CR1: variants seen among roughly 807,000 people sequenced by gnomAD.
CR1 encodes complement receptor type 1.
In CR1, 116 loss-of-function variants were observed where a neutral mutation model predicts 187.3. That is an observed-to-expected ratio of 0.62 (90% CI 0.53 to 0.72). CR1 has a LOEUF of 0.72. Ranked by LOEUF, CR1 falls within the 30% of genes least tolerant of loss-of-function variation. The pLI, the probability that CR1 is intolerant of heterozygous loss-of-function variation, is 0.00. For synonymous variants in CR1, 576 were observed against 747.1 expected, an observed-to-expected ratio of 0.77 and a Z score of 3.73; for missense variants, 1,731 against 2,110.7, an observed-to-expected ratio of 0.82 and a Z score of 3.52.
chr1:207,521,062 C>T (rs1309556970), intron 4 of CR1, among the ~76,000 whole-genome samples: 6 of 149,528 alleles, frequency 4.0e-5, no homozygotes, highest in Non-Finnish European at 7.4e-5. Flanking sequence ...CTGCAACCTC[C>T]GCCTCCGGGG....
At chr1:207,504,895 T>G (rs1490709688) in intron 1 of CR1, among the ~76,000 whole-genome samples, 1 of 152,154 alleles carries the variant, frequency 6.6e-6, no homozygotes, top group African/African-American at 2.4e-5. Flanking sequence ...CAGCCAAGCA[T>G]TACTGCCTGA....
chr1:207,580,815 A>G (rs1660913968), intron 31 of CR1, among the ~76,000 whole-genome samples: 1 of 152,208 alleles, frequency 6.6e-6, no homozygotes, highest in Non-Finnish European at 1.5e-5. Context: ...AATGGCGCAT[A>G]TAACTGAGTG....
chr1:207,518,352 C>A (rs1659867244), intron 4 of CR1, among the ~76,000 whole-genome samples: 1 of 152,138 alleles, frequency 6.6e-6, no homozygotes, highest in South Asian at 2.1e-4. Context: ...CTTGAATGTA[C>A]AGTTATTTTG....
chr1:207,580,519 T>C lies in CR1; in HGVS notation c.5122T>C (p.Cys1708Arg). The change falls in exon 31 of 47, where the codon TGT becomes CGT. Residue 1708 changes from cysteine to arginine, a missense_variant. Physicochemically the swap from Cys to Arg is radical, Grantham distance 180. Coordinates refer to ENST00000367049, the MANE Select transcript of CR1 (RefSeq NM_000651.6). ...TTTTTTTCTTCTTCTAGTGAAATCC[T>C]GTGATGACTTCTTGGGTCAACTCCC... is the stretch of plus-strand genomic sequence containing the variant. ...PEAPRCAVKS[C>R]DDFLGQLPHG... 6.2e-7 allele frequency: 1 copy of C among 1,608,482 alleles called. No individual in the cohort carries two copies. Among genetic ancestry groups the C allele is most frequent in the Non-Finnish European group, 8.5e-7 (1 of 1,178,330 alleles).
intron 31 of CR1, among the ~76,000 whole-genome samples, chr1:207,581,221 C>A (rs1273157001): frequency 6.9e-6 from 1 of 144,822 alleles, no homozygotes; most frequent in Non-Finnish European, 1.5e-5. Flanking sequence ...TACATATGGA[C>A]ACGTATATGT....
In CR1 at chr1:207,516,934, T is replaced by C. The variant is rs375784103; in HGVS notation, c.487+5280T>C. On this transcript the variant is annotated intron_variant, in intron 4 of 46. Coordinates refer to ENST00000367049, the MANE Select transcript of CR1 (RefSeq NM_000651.6). ...TTCCTTTCTTATGTCTTTTGTTTAT[T>C]TCTCTTGCTTTATTGCATTGGCTAG... 4.6e-5 allele frequency among the ~76,000 whole-genome samples: 7 copies of C among 152,278 alleles called. No individual in the cohort carries two copies. In the East Asian group the frequency reaches 9.6e-4, roughly 21 times the overall value.
At chr1:207,587,027 T>C (rs1272029413) in intron 33 of CR1, among the ~76,000 whole-genome samples, 1 of 152,174 alleles carries the variant, frequency 6.6e-6, no homozygotes, top group East Asian at 1.9e-4. Context: ...ATAAAATATG[T>C]CTTGCTACTC....
At chr1:207,506,985 C>A in intron 3 of CR1, 172 bp downstream of exon 3, 1 of 559,394 alleles carries the variant, frequency 1.8e-6, no homozygotes, top group Admixed American at 3.5e-5. Flanking sequence ...ATGACAAGAT[C>A]GGGGGAAAAT....
chr1:207,600,042 G>A (rs1340834664), intron 35 of CR1, among the ~76,000 whole-genome samples: 1 of 152,176 alleles, frequency 6.6e-6, no homozygotes, highest in African/African-American at 2.4e-5. Flanking sequence ...CAATTTTGCA[G>A]ACCATGCAAT....
chr1:207,633,049 T>C (rs1483350599), intron 46 of CR1, among the ~76,000 whole-genome samples: 1 of 152,172 alleles, frequency 6.6e-6, no homozygotes, highest in Non-Finnish European at 1.5e-5. Flanking sequence ...ATTTTAAAAA[T>C]ATTCCACAAT....
intron 35 of CR1, among the ~76,000 whole-genome samples, chr1:207,601,831 G>A (rs930533142): frequency 6.0e-5 from 9 of 151,048 alleles, no homozygotes; most frequent in African/African-American, 1.2e-4. Context: ...TATCAGATAG[G>A]GTTTTCACAT....
Position 207,617,594 on chromosome 1 carries a change from TATATATATATATATATATAGAGAG to T in CR1, c.6890-475_6890-452del, listed in dbSNP as rs1425125635. 9.5e-3 allele frequency among the ~76,000 whole-genome samples: 391 copies of T among 41,336 alleles called. 2 individuals are homozygous for T. The highest frequency in any genetic ancestry group is 0.02 in the Middle Eastern group (2 of 102). 27.1% of individuals were successfully genotyped at this position (41,336 alleles called of 152,430 possible). A position where few individuals can be genotyped will look rare whatever the true frequency, so the allele number is the denominator to read the frequency against. On this transcript the variant is annotated intron_variant, in intron 41 of 46. Transcript: ENST00000367049. ...GTGTGTGTGTATATATATATATATATATATATATATATATATATAGAGAGAGAGAGAGAGAGAGAGAGAGAGAGA... is the reference window on the plus strand; with the variant it reads ...GTGTGTGTGTATATATATATATATATAGAGAGAGAGAGAGAGAGAGAGAGA...
chr1:207,522,198 AT>A (rs2102304894), intron 4 of CR1, among the ~76,000 whole-genome samples: 1 of 152,264 alleles, frequency 6.6e-6, no homozygotes, highest in South Asian at 2.1e-4. Flanking sequence ...AATTTTTGTC[AT>A]TGTTTCTGCA....
At chr1:207,630,662 T>C in intron 46 of CR1, 41 bp downstream of exon 46, 1 of 1,362,734 alleles carries the variant, frequency 7.3e-7, no homozygotes, top group Non-Finnish European at 1.0e-6. Flanking sequence ...TTTCAACAAC[T>C]CAAATATCAA....
At chr1:207,581,863 C>G (rs571567255) in intron 31 of CR1, 55 bp from the exon 32 acceptor site, 34 of 1,238,806 alleles carry the variant, frequency 2.7e-5, no homozygotes, top group Admixed American at 1.0e-4. Flanking sequence ...AGATCTGTCA[C>G]GAAGGGAAGA....
chr1:207,507,714 C>T (rs1429025717), intron 3 of CR1: 1 of 152,048 alleles, frequency 6.6e-6, no homozygotes, highest in East Asian at 1.9e-4. Context: ...GATAATTTGG[C>T]AGTTTTTTAT....
At chr1:207,632,665 G>T (rs1662681241) in intron 46 of CR1, among the ~76,000 whole-genome samples, 1 of 152,020 alleles carries the variant, frequency 6.6e-6, no homozygotes, top group African/African-American at 2.4e-5. Context: ...AGGCGTGGTG[G>T]TGGGCGCCTG....
intron 46 of CR1, among the ~76,000 whole-genome samples, chr1:207,631,597 T>C (rs1662648061): frequency 6.6e-6 from 1 of 152,186 alleles, no homozygotes; most frequent in Non-Finnish European, 1.5e-5. Flanking sequence ...CATTGGATAC[T>C]CCTCTCTTTT....
At chr1:207,624,378 A>G (rs1662417665) in intron 45 of CR1, among the ~76,000 whole-genome samples, 2 of 152,162 alleles carry the variant, frequency 1.3e-5, no homozygotes, top group Non-Finnish European at 1.5e-5. Flanking sequence ...AATAATATCA[A>G]TGTTATATGG....
Sources: allele counts gnomAD v4.1 joint callset (sites outside exome capture counted in the v4.1 genomes callset), GRCh38; gene constraint gnomAD v4.1.1; transcripts MANE v1.5; gene names NCBI Gene and HGNC (gene_info 2026-07-23, HGNC 2026-07-21).